The following CYP7B1 variants were observed in gnomAD, a reference collection of about 807,000 sequenced individuals.
The protein encoded by CYP7B1 is cytochrome P450 7B1.
CYP7B1 carries 29 observed loss-of-function variants against 42.7 expected under a neutral mutation model. That is an observed-to-expected ratio of 0.68 (90% CI 0.51 to 0.93). CYP7B1 has a LOEUF of 0.93. Ranked by LOEUF, CYP7B1 falls within the 40% of genes least tolerant of loss-of-function variation. The pLI is 0.00. For missense variants in CYP7B1, 655 were observed against 600.5 expected (o/e 1.09, Z -0.95); for synonymous variants, 235 against 218.2 (o/e 1.08, Z -0.68).
chr8:64,682,342 C>A (rs540835127), intron 1 of CYP7B1, among the ~76,000 whole-genome samples: 1 of 152,332 alleles, frequency 6.6e-6, no homozygotes, highest in East Asian at 1.9e-4. Context: ...ACTCATCCTA[C>A]AGACAAAAGT....
rs1805252346 is a variant in CYP7B1, at chr8:64,604,759, A to C, written c.1156T>G (p.Cys386Gly). The C allele has an allele frequency of 6.2e-7, 1 of 1,614,194 alleles. No homozygotes were observed. Among genetic ancestry groups the C allele is most frequent in the Admixed American group, 1.7e-5 (1 of 60,028 alleles). Residue 386 changes from cysteine (C) to glycine (G), a missense_variant, in exon 5 of 6, where the codon TGT (cysteine) becomes GGT (glycine). By Grantham distance (159) the Cys-to-Gly change is radical. Transcript: ENST00000310193. ...GCTACCAAGTCTCCCTTTCGCACAC[A>C]GTAGTCCCCGGTCTCTGAACTGAGA... Reference protein sequence around the residue: ...LTLSSETGDYCVRKGDLVAIF... With the variant: ...LTLSSETGDYGVRKGDLVAIF...
intron 1 of CYP7B1, among the ~76,000 whole-genome samples, chr8:64,777,532 C>G (rs568992058): frequency 6.6e-6 from 1 of 152,102 alleles, no homozygotes; most frequent in South Asian, 2.1e-4. Context: ...TATCATGGAC[C>G]ACGTGCCGAC....
chr8:64,691,247 AG>A (rs199716748), intron 1 of CYP7B1, among the ~76,000 whole-genome samples: 1,644 of 152,332 alleles, frequency 0.011, 15 homozygotes, highest in Non-Finnish European at 0.018. Context: ...ACCATTAAAT[AG>A]GTAGTACAGT....
At chr8:64,590,200 T>A (rs1300172645), downstream of CYP7B1, among the ~76,000 whole-genome samples, 3 of 152,202 alleles carry the variant, frequency 2.0e-5, no homozygotes, top group Non-Finnish European at 2.9e-5. Context: ...CTAGTTCAAA[T>A]GAACAGAACA....
intron 1 of CYP7B1, among the ~76,000 whole-genome samples, chr8:64,783,706 A>G (rs1256960041): frequency 6.6e-6 from 1 of 152,188 alleles, no homozygotes; most frequent in Non-Finnish European, 1.5e-5. Context: ...TACAAATGAC[A>G]AGATCATTCC....
intron 1 of CYP7B1, among the ~76,000 whole-genome samples, chr8:64,642,493 T>C (rs1805873260): frequency 6.6e-6 from 1 of 152,144 alleles, no homozygotes; most frequent in African/African-American, 2.4e-5. Context: ...CAGATGATGA[T>C]TTATTTGGTA....
intron 1 of CYP7B1, among the ~76,000 whole-genome samples, chr8:64,745,346 G>A (rs921908090): frequency 6.6e-6 from 1 of 152,146 alleles, no homozygotes; most frequent in African/African-American, 2.4e-5. Context: ...ACTTTAAACA[G>A]TGTATGAATA....
intron 1 of CYP7B1, among the ~76,000 whole-genome samples, chr8:64,721,081 A>T (rs1475921275): frequency 6.6e-6 from 1 of 151,810 alleles, no homozygotes. Context: ...TAGAAAACTG[A>T]TTCTTACCTG....
intron 1 of CYP7B1, among the ~76,000 whole-genome samples, chr8:64,714,837 G>A (rs1333630657): frequency 6.6e-6 from 1 of 151,956 alleles, no homozygotes; most frequent in African/African-American, 2.4e-5. Flanking sequence ...ATTTTTTTAA[G>A]CAAATATTTA....
At chr8:64,744,559 A>C (rs1807615899) in intron 1 of CYP7B1, among the ~76,000 whole-genome samples, 1 of 152,162 alleles carries the variant, frequency 6.6e-6, no homozygotes, top group African/African-American at 2.4e-5. Context: ...TGGATAACTA[A>C]GATAGGATTT....
chr8:64,697,698 G>A (rs547116103), intron 1 of CYP7B1, among the ~76,000 whole-genome samples: 1 of 152,292 alleles, frequency 6.6e-6, no homozygotes, highest in South Asian at 2.1e-4. Flanking sequence ...GGCTGACCAT[G>A]TTCACCAATA....
At chr8:64,630,591 T>C (rs1250858854) in intron 1 of CYP7B1, among the ~76,000 whole-genome samples, 3 of 152,266 alleles carry the variant, frequency 2.0e-5, no homozygotes, top group Non-Finnish European at 4.4e-5. Context: ...TGCTTATCTA[T>C]ACCTTTCAAG....
At chr8:64,665,909 C>T (rs1006164370) in intron 1 of CYP7B1, among the ~76,000 whole-genome samples, 2 of 152,058 alleles carry the variant, frequency 1.3e-5, no homozygotes, top group Non-Finnish European at 2.9e-5. Context: ...CAACTTTTTA[C>T]GACTGGCAAC....
At chr8:64,682,363 GC>G (rs1806551827) in intron 1 of CYP7B1, among the ~76,000 whole-genome samples, 1 of 152,188 alleles carries the variant, frequency 6.6e-6, no homozygotes, top group African/African-American at 2.4e-5. Context: ...GAGCAAGTGT[GC>G]ATTTTTTAAA....
chr8:64,607,804 T>A (rs2129630001), intron 4 of CYP7B1, among the ~76,000 whole-genome samples: 1 of 152,364 alleles, frequency 6.6e-6, no homozygotes, highest in East Asian at 1.9e-4. Flanking sequence ...TTATTGTGTA[T>A]AATGGATTGT....
intron 1 of CYP7B1, among the ~76,000 whole-genome samples, chr8:64,649,015 C>A (rs1287034499): frequency 6.6e-6 from 1 of 152,180 alleles, no homozygotes; most frequent in Non-Finnish European, 1.5e-5. Flanking sequence ...TTTATCATCT[C>A]AACCATTTTA....
At chr8:64,744,143 T>C (rs1203127271) in intron 1 of CYP7B1, among the ~76,000 whole-genome samples, 1 of 152,200 alleles carries the variant, frequency 6.6e-6, no homozygotes, top group African/African-American at 2.4e-5. Context: ...GGATTTATTC[T>C]CCTAAAAGGA....
chr8:64,779,394 G>T (rs535787118), intron 1 of CYP7B1, among the ~76,000 whole-genome samples: 5 of 152,156 alleles, frequency 3.3e-5, no homozygotes, highest in Admixed American at 1.3e-4. Context: ...TCTCAAAAGT[G>T]TTGGCCATCC....
chr8:64,686,390 G>A lies in CYP7B1; in HGVS notation c.123-61851C>T, dbSNP rs868195171. 1.5e-3 allele frequency among the ~76,000 whole-genome samples: 47 copies of A among 30,344 alleles called. 1 individual carries two copies. The highest frequency in any genetic ancestry group is 0.012 in the East Asian group (24 of 1,944). The allele number at this position is 30,344 out of a possible 152,430, so 19.9% of individuals were successfully genotyped here. ...GCCCCTCTGCCCGGCCAGCCGCCCC[G>A]TCCGGGAGGGAGGTGGGGGGGTCAG... is the stretch of plus-strand genomic sequence containing the variant. On this transcript the variant is annotated intron_variant, in intron 1 of 5. Coordinates refer to ENST00000310193, the MANE Select transcript of CYP7B1 (RefSeq NM_004820.5).
Sources: gnomAD v4.1 joint callset for allele counts (sites outside exome capture counted in the v4.1 genomes callset) on GRCh38, gnomAD v4.1.1 for gene constraint, MANE v1.5 for transcripts, NCBI Gene and HGNC (gene_info 2026-07-23, HGNC 2026-07-21) for gene names.